ARB2A: variants seen among roughly 807,000 people sequenced by gnomAD.
ARB2A encodes the protein ARB2 cotranscriptional regulator A, also known as cotranscriptional regulator ARB2A.
chr5:93,798,318 C>T, the ARB2A span, among the ~76,000 whole-genome samples: 1 of 152,164 alleles, frequency 6.6e-6, no homozygotes, highest in Non-Finnish European at 1.5e-5. Flanking sequence ...CTATTAGTCC[C>T]CTTTCTCCTC....
At chr5:93,953,016 T>C in the ARB2A span, among the ~76,000 whole-genome samples, 2 of 152,206 alleles carry the variant, frequency 1.3e-5, no homozygotes, top group Non-Finnish European at 2.9e-5. Context: ...TCAATCTCTT[T>C]GTTAAATTTA....
chr5:93,723,523 C>A, the ARB2A span, among the ~76,000 whole-genome samples: 4 of 152,024 alleles, frequency 2.6e-5, no homozygotes, highest in Admixed American at 1.3e-4. Flanking sequence ...TTTGTGGATT[C>A]TATAAAGCAT....
the ARB2A span, among the ~76,000 whole-genome samples, chr5:94,096,751 A>G: frequency 6.6e-6 from 1 of 152,170 alleles, no homozygotes; most frequent in Non-Finnish European, 1.5e-5. Context: ...GATCACCAGT[A>G]AACTTCAAGC....
chr5:93,753,931 C>G, the ARB2A span, among the ~76,000 whole-genome samples: 1 of 152,078 alleles, frequency 6.6e-6, no homozygotes, highest in Non-Finnish European at 1.5e-5. Flanking sequence ...GTGCCTGGTA[C>G]AAAGTGGCCA....
At chr5:94,011,936 C>CAAAAAAAAAAAAAAAAAAAA in the ARB2A span, among the ~76,000 whole-genome samples, 1 of 30,200 alleles carries the variant, frequency 3.3e-5, no homozygotes, top group Non-Finnish European at 6.4e-5. Context: ...AAAGGGTAGA[C>CAAAAAAAAAAAAAAAAAAAA]AAAAAAAAAA....
chr5:93,674,605 G>A, the ARB2A span, among the ~76,000 whole-genome samples: 1 of 152,218 alleles, frequency 6.6e-6, no homozygotes. Flanking sequence ...CATTGATCAT[G>A]TAAATGTTTC....
chr5:93,818,962 C>A, the ARB2A span, among the ~76,000 whole-genome samples: 1 of 151,718 alleles, frequency 6.6e-6, no homozygotes, highest in Non-Finnish European at 1.5e-5. Context: ...CCGAGACGGG[C>A]GGATCACGAG....
the ARB2A span, among the ~76,000 whole-genome samples, chr5:93,908,834 T>A: frequency 0.012 from 1,762 of 151,088 alleles, 38 homozygotes; most frequent in African/African-American, 0.04. Context: ...AAGCATCATT[T>A]TCAAACTTTA....
chr5:93,850,888 T>C, the ARB2A span, among the ~76,000 whole-genome samples: 2 of 152,188 alleles, frequency 1.3e-5, no homozygotes, highest in African/African-American at 4.8e-5. Context: ...TTAAATAAAT[T>C]TAATCTCCAA....
the ARB2A span, among the ~76,000 whole-genome samples, chr5:93,913,840 AATT>A: frequency 4.8e-3 from 727 of 152,088 alleles, 2 homozygotes; most frequent in South Asian, 7.5e-3. Flanking sequence ...TATTCCTTGA[AATT>A]ATTATAGTGA....
At chr5:93,788,836 T>C in the ARB2A span, among the ~76,000 whole-genome samples, 1 of 152,220 alleles carries the variant, frequency 6.6e-6, no homozygotes, top group Middle Eastern at 3.2e-3. Context: ...CCTTGGGTTA[T>C]GGGAATTGTA....
At chr5:93,699,738 G>GTTC in the ARB2A span, among the ~76,000 whole-genome samples, 1 of 151,912 alleles carries the variant, frequency 6.6e-6, no homozygotes. Context: ...CAACAGGGAT[G>GTTC]TTCTGTACCA....
the ARB2A span, among the ~76,000 whole-genome samples, chr5:93,913,488 C>T: frequency 1.3e-5 from 2 of 151,860 alleles, no homozygotes; most frequent in African/African-American, 2.4e-5. Flanking sequence ...GAGCCAATAA[C>T]GATAGCATCT....
the ARB2A span, chr5:93,739,755 T>A: frequency 6.6e-6 from 1 of 152,024 alleles, no homozygotes; most frequent in Non-Finnish European, 1.5e-5. Flanking sequence ...AAAACCATTA[T>A]AAGAGATCAA....
At chr5:93,975,511 T>G in the ARB2A span, among the ~76,000 whole-genome samples, 107 of 152,088 alleles carry the variant, frequency 7.0e-4, no homozygotes, top group East Asian at 0.014. Context: ...ATAAAAAATT[T>G]GGTTCTTTGA....
At chr5:93,682,192 C>A in the ARB2A span, among the ~76,000 whole-genome samples, 1 of 145,214 alleles carries the variant, frequency 6.9e-6, no homozygotes, top group Non-Finnish European at 1.5e-5. Flanking sequence ...TTTGGCAAAA[C>A]ATCAAAGTAC....
chr5:93,915,419 A>T, the ARB2A span, among the ~76,000 whole-genome samples: 2 of 151,610 alleles, frequency 1.3e-5, no homozygotes, highest in African/African-American at 4.8e-5. Context: ...ATCCTAGAGC[A>T]TACCAGATAA....
chr5:93,828,315 G>A, the ARB2A span, among the ~76,000 whole-genome samples: 1 of 152,136 alleles, frequency 6.6e-6, no homozygotes, highest in Non-Finnish European at 1.5e-5. Context: ...CACATCCCTT[G>A]TAAGTTGGAT....
chr5:94,046,820 C>CA, the ARB2A span, among the ~76,000 whole-genome samples: 12 of 152,164 alleles, frequency 7.9e-5, no homozygotes, highest in African/African-American at 2.7e-4. Flanking sequence ...GACAGGTCCA[C>CA]AGATGCATTA....
Sources: allele counts gnomAD v4.1 joint callset (sites outside exome capture counted in the v4.1 genomes callset), GRCh38; gene constraint gnomAD v4.1.1; transcripts MANE v1.5; gene names NCBI Gene and HGNC (gene_info 2026-07-23, HGNC 2026-07-21).